DLGAP2: variants seen among roughly 807,000 people sequenced by gnomAD.
The protein encoded by DLGAP2 is disks large-associated protein 2.
A neutral mutation model predicts 100.3 loss-of-function variants in DLGAP2; 26 were observed. That is an observed-to-expected ratio of 0.26 (90% confidence interval 0.19 to 0.36). DLGAP2 has a LOEUF of 0.36. Ranked by LOEUF, DLGAP2 falls within the 10% of genes least tolerant of loss-of-function variation. The pLI, the probability that DLGAP2 is intolerant of heterozygous loss-of-function variation, is 1.00. For missense variants in DLGAP2, 1,858 were observed against 1,453.2 expected, an observed-to-expected ratio of 1.28 and a Z score of -4.53; for synonymous variants, 886 against 630.1, an observed-to-expected ratio of 1.41 and a Z score of -6.08.
intron 5 of DLGAP2, among the ~76,000 whole-genome samples, chr8:1,559,786 G>A (rs528121763): frequency 2.4e-4 from 37 of 152,372 alleles, no homozygotes; most frequent in African/African-American, 8.2e-4. Context: ...CACATTCCCA[G>A]GAGAGTGGCA....
At chr8:1,637,260 T>G (rs1411563680) in intron 8 of DLGAP2, among the ~76,000 whole-genome samples, 1 of 152,160 alleles carries the variant, frequency 6.6e-6, no homozygotes, top group Non-Finnish European at 1.5e-5. Context: ...GGGGAAAGGC[T>G]TTGGGAAGGA....
intron 1 of DLGAP2, among the ~76,000 whole-genome samples, chr8:899,972 G>T (rs1401646956): frequency 6.6e-6 from 1 of 152,236 alleles, no homozygotes; most frequent in Non-Finnish European, 1.5e-5. Context: ...ATCCCAGAAG[G>T]CAGAAGACAT....
At chr8:808,174 C>T (rs1047124452) in intron 1 of DLGAP2, among the ~76,000 whole-genome samples, 8 of 152,146 alleles carry the variant, frequency 5.3e-5, no homozygotes, top group African/African-American at 1.7e-4. Flanking sequence ...TGGTGTGACA[C>T]GAGGCCTCTG....
chr8:1,249,946 T>C (rs911233157), intron 2 of DLGAP2, among the ~76,000 whole-genome samples: 1 of 152,144 alleles, frequency 6.6e-6, no homozygotes, highest in Admixed American at 6.5e-5. Context: ...AGTGGCGTGA[T>C]CTCAGCTCAC....
chr8:1,209,658 C>T (rs975188295), intron 2 of DLGAP2, among the ~76,000 whole-genome samples: 2 of 152,198 alleles, frequency 1.3e-5, no homozygotes, highest in Non-Finnish European at 2.9e-5. Context: ...GAGTAACCTC[C>T]TATTCCAAGC....
intron 2 of DLGAP2, among the ~76,000 whole-genome samples, chr8:979,552 C>G (rs1800269691): frequency 6.6e-6 from 1 of 152,198 alleles, no homozygotes. Context: ...CTGATTATCA[C>G]TGTGTGGGCA....
At chr8:1,173,926 A>C (rs1364068383) in intron 2 of DLGAP2, among the ~76,000 whole-genome samples, 4 of 152,146 alleles carry the variant, frequency 2.6e-5, no homozygotes, top group African/African-American at 9.7e-5. Flanking sequence ...AGTGAGATGA[A>C]CCTGGTACCT....
rs540862924 is a variant in DLGAP2, at chr8:936,033, G to C, written c.73+28067G>C. ...AAATGACCGAGGACCCTGCCCAGTG[G>C]GACCCGTCTCCAACCTGCTGGAAAT... On this transcript the variant is annotated intron_variant, in intron 2 of 14. Coordinates refer to ENST00000637795, the MANE Select transcript of DLGAP2 (RefSeq NM_001346810.2). Among the ~76,000 whole-genome samples, 25 of 152,292 alleles carry C rather than the reference G, an allele frequency of 1.6e-4. No individual in the cohort carries two copies. The South Asian group carries it at 5.0e-3, about 30-fold the overall frequency.
intron 3 of DLGAP2, among the ~76,000 whole-genome samples, chr8:1,366,178 C>A (rs536594000): frequency 6.6e-6 from 1 of 152,204 alleles, no homozygotes; most frequent in Non-Finnish European, 1.5e-5. Context: ...CTTTTCCCTC[C>A]ATTTAAACAA....
chr8:1,154,722 C>T (rs1227412506), intron 2 of DLGAP2, among the ~76,000 whole-genome samples: 1 of 152,122 alleles, frequency 6.6e-6, no homozygotes, highest in Admixed American at 6.5e-5. Context: ...GCCTTTTCTC[C>T]CGGAGTCGGT....
chr8:758,957 A>G (rs1424657186), intron 1 of DLGAP2, among the ~76,000 whole-genome samples: 1 of 151,162 alleles, frequency 6.6e-6, no homozygotes, highest in African/African-American at 2.4e-5. Flanking sequence ...CAGCCTTCCC[A>G]TTATCAATAA....
intron 4 of DLGAP2, among the ~76,000 whole-genome samples, chr8:1,509,328 C>A (rs13253945): frequency 0.042 from 5,811 of 137,472 alleles, 185 homozygotes; most frequent in African/African-American, 0.074. Flanking sequence ...AGACTCCGTC[C>A]AAAAAAAAAA....
At chr8:1,412,454 A>C (rs1323699610) in intron 3 of DLGAP2, among the ~76,000 whole-genome samples, 2 of 152,162 alleles carry the variant, frequency 1.3e-5, no homozygotes, top group Non-Finnish European at 2.9e-5. Flanking sequence ...CATGCATCTG[A>C]TCTCACGAAT....
chr8:1,036,490 G>T (rs575562876), intron 2 of DLGAP2, among the ~76,000 whole-genome samples: 1 of 152,222 alleles, frequency 6.6e-6, no homozygotes, highest in South Asian at 2.1e-4. Flanking sequence ...CCGTGGGGAC[G>T]GTCGGGGGAG....
At chr8:799,056 G>T (rs1796094929) in intron 1 of DLGAP2, among the ~76,000 whole-genome samples, 1 of 152,226 alleles carries the variant, frequency 6.6e-6, no homozygotes, top group Admixed American at 6.5e-5. Flanking sequence ...AAGAGACTCT[G>T]TCGGTCCTGT....
chr8:1,484,451 G>A (rs1361702302), intron 3 of DLGAP2, among the ~76,000 whole-genome samples: 3 of 152,272 alleles, frequency 2.0e-5, no homozygotes. Context: ...GCTTAGGCCT[G>A]CGACTGGACG....
intron 3 of DLGAP2, among the ~76,000 whole-genome samples, chr8:1,440,437 G>C (rs758439718): frequency 2.6e-5 from 4 of 152,202 alleles, no homozygotes; most frequent in African/African-American, 4.8e-5. Flanking sequence ...ACTCCGCTGC[G>C]AGTGCACGGC....
intron 2 of DLGAP2, among the ~76,000 whole-genome samples, chr8:1,168,296 G>C (rs919046242): frequency 4.6e-5 from 7 of 151,738 alleles, no homozygotes; most frequent in Admixed American, 2.6e-4. Context: ...GGACATTTGG[G>C]TTGGTTCCAA....
chr8:747,717 A>G (rs1242281504), intron 1 of DLGAP2, among the ~76,000 whole-genome samples: 9 of 29,562 alleles, frequency 3.0e-4, no homozygotes, highest in East Asian at 1.2e-3. Context: ...GGTGGAATGA[A>G]CGTGTCTGCG....
Sources: gnomAD v4.1 joint callset for allele counts (sites outside exome capture counted in the v4.1 genomes callset) on GRCh38, gnomAD v4.1.1 for gene constraint, MANE v1.5 for transcripts, NCBI Gene and HGNC (gene_info 2026-07-23, HGNC 2026-07-21) for gene names.